The following VAT1L variants were observed in gnomAD, a reference collection of about 807,000 sequenced individuals.
VAT1L encodes vesicle amine transport 1 like.
Under a neutral mutation model 44.1 loss-of-function variants are expected in VAT1L, and 34 were observed. That is an observed-to-expected ratio of 0.77 (90% CI 0.59 to 1.03). VAT1L has a LOEUF of 1.03. Ranked by LOEUF, VAT1L falls within the 50% of genes least tolerant of loss-of-function variation. The pLI, the probability that VAT1L is intolerant of heterozygous loss-of-function variation, is 0.00. For synonymous variants in VAT1L, 253 were observed against 202.2 expected, an observed-to-expected ratio of 1.25 and a Z score of -2.13; for missense variants, 615 against 538.8, an observed-to-expected ratio of 1.14 and a Z score of -1.40.
At chr16:77,873,258 T>C (rs2017051089) in intron 4 of VAT1L, among the ~76,000 whole-genome samples, 1 of 152,224 alleles carries the variant, frequency 6.6e-6, no homozygotes, top group African/African-American at 2.4e-5. Context: ...TTACGTAAGC[T>C]TGGGCAAGAT....
intron 4 of VAT1L, among the ~76,000 whole-genome samples, chr16:77,874,449 C>T (rs540770945): frequency 2.2e-5 from 3 of 137,796 alleles, no homozygotes; most frequent in South Asian, 2.5e-4. Context: ...CCAACTCCCA[C>T]CTGCCTCTCC....
intron 3 of VAT1L, among the ~76,000 whole-genome samples, chr16:77,852,795 G>C (rs2016820256): frequency 6.6e-6 from 1 of 152,146 alleles, no homozygotes; most frequent in Non-Finnish European, 1.5e-5. Flanking sequence ...GTGGAAGCTG[G>C]AGTCATACTA....
chr16:77,939,993 G>A (rs1197117790), intron 7 of VAT1L, among the ~76,000 whole-genome samples: 2 of 152,240 alleles, frequency 1.3e-5, no homozygotes, highest in East Asian at 1.9e-4. Context: ...GAGATCATCA[G>A]ACTTAAGGAA....
chr16:77,913,177 T>G (rs2017516579), intron 7 of VAT1L, among the ~76,000 whole-genome samples: 1 of 152,246 alleles, frequency 6.6e-6, no homozygotes, highest in Non-Finnish European at 1.5e-5. Flanking sequence ...TTAATTTTAA[T>G]TTCATTTGAA....
chr16:77,824,953 G>A (rs1196775574), intron 2 of VAT1L, among the ~76,000 whole-genome samples: 4 of 130,004 alleles, frequency 3.1e-5, no homozygotes, highest in South Asian at 5.5e-4. Flanking sequence ...TGCAACCTCC[G>A]CCTCCTGGGT....
chr16:77,831,982 A>ATT (rs151275500), intron 3 of VAT1L, among the ~76,000 whole-genome samples: 37,077 of 125,854 alleles, frequency 0.29, 5,970 homozygotes, highest in African/African-American at 0.32. Flanking sequence ...TGCCCGGCTA[A>ATT]TTTTTTTTTT....
intron 4 of VAT1L, among the ~76,000 whole-genome samples, chr16:77,868,789 T>A (rs1260299137): frequency 6.6e-6 from 1 of 152,160 alleles, no homozygotes; most frequent in Non-Finnish European, 1.5e-5. Flanking sequence ...TGTGGACATT[T>A]GGGCTGGGAT....
intron 7 of VAT1L, among the ~76,000 whole-genome samples, chr16:77,951,799 T>C (rs1218335400): frequency 2.7e-5 from 4 of 150,646 alleles, no homozygotes; most frequent in Non-Finnish European, 5.9e-5. Context: ...TTTTGTGTAG[T>C]TTTCTGTATC....
intron 3 of VAT1L, among the ~76,000 whole-genome samples, chr16:77,853,774 G>A (rs58714749): frequency 0.02 from 2,974 of 151,990 alleles, 102 homozygotes; most frequent in African/African-American, 0.068. Context: ...TCCATACAAT[G>A]AATAAAAGAG....
chr16:77,911,905 A>C (rs532174906), intron 7 of VAT1L, among the ~76,000 whole-genome samples: 282 of 152,328 alleles, frequency 1.9e-3, no homozygotes, highest in African/African-American at 6.5e-3. Flanking sequence ...AGGAGGATAG[A>C]AATAGTTCAC....
intron 6 of VAT1L, among the ~76,000 whole-genome samples, chr16:77,881,013 G>C (rs2017148079): frequency 6.6e-6 from 1 of 152,108 alleles, no homozygotes; most frequent in African/African-American, 2.4e-5. Flanking sequence ...GGGCACCTAG[G>C]TTGATTCCAT....
At chr16:77,807,844 G>A (rs1289971936) in intron 1 of VAT1L, among the ~76,000 whole-genome samples, 1 of 152,138 alleles carries the variant, frequency 6.6e-6, no homozygotes, top group Non-Finnish European at 1.5e-5. Context: ...CAACCCACTT[G>A]AGGAGGAGCC....
intron 7 of VAT1L, among the ~76,000 whole-genome samples, chr16:77,966,069 T>C (rs1267011407): frequency 6.6e-6 from 1 of 152,242 alleles, no homozygotes; most frequent in African/African-American, 2.4e-5. Context: ...TACTTCATTA[T>C]ATTGAGTATA....
chr16:77,955,729 CA>C (rs61334608), intron 7 of VAT1L, among the ~76,000 whole-genome samples: 236 of 137,930 alleles, frequency 1.7e-3, no homozygotes, highest in African/African-American at 6.0e-3. Context: ...TCCCCCCCCC[CA>C]AAAAAAAAAA....
chr16:77,957,986 C>T (rs2018121896), intron 7 of VAT1L, among the ~76,000 whole-genome samples: 1 of 152,042 alleles, frequency 6.6e-6, no homozygotes, highest in Admixed American at 6.6e-5. Flanking sequence ...CAGCTCACTG[C>T]AATCTCTGCC....
chr16:77,798,988 A>G (rs1241650381), intron 1 of VAT1L, among the ~76,000 whole-genome samples: 1 of 151,574 alleles, frequency 6.6e-6, no homozygotes, highest in Non-Finnish European at 1.5e-5. Context: ...CTCTCTCCTC[A>G]TAAGTTAGCT....
chr16:77,979,198 T>C lies in VAT1L; in HGVS notation c.*1503T>C, dbSNP rs775109285. Reference sequence around the variant, plus strand: ...GTGGTCTTTTTACCTATCCTAAGCTTATGATGATGAGTTATGTATGCCAAA... The same window carrying C: ...GTGGTCTTTTTACCTATCCTAAGCTCATGATGATGAGTTATGTATGCCAAA... On this transcript the variant is annotated 3_prime_UTR_variant, in exon 9 of 9. Coordinates refer to ENST00000302536, the MANE Select transcript of VAT1L (RefSeq NM_020927.3). 6.6e-6 allele frequency: 1 copy of C among 152,618 alleles called. No individual in the cohort carries two copies. The highest frequency in any genetic ancestry group is 1.5e-5 in the Non-Finnish European group (1 of 68,040). The allele number at this position is 152,618 out of a possible 1,614,324, so 9.5% of individuals were successfully genotyped here.
chr16:77,853,339 A>C (rs1410038929), intron 3 of VAT1L, among the ~76,000 whole-genome samples: 1 of 152,198 alleles, frequency 6.6e-6, no homozygotes, highest in Non-Finnish European at 1.5e-5. Context: ...GGAAAAGAGG[A>C]AGTGGATTGC....
intron 4 of VAT1L, among the ~76,000 whole-genome samples, chr16:77,866,238 G>C (rs1416642729): frequency 6.6e-6 from 1 of 152,222 alleles, no homozygotes; most frequent in African/African-American, 2.4e-5. Flanking sequence ...TTGACAGAGT[G>C]AATTATAGCA....
Sources: gnomAD v4.1 joint callset for allele counts (sites outside exome capture counted in the v4.1 genomes callset) on GRCh38, gnomAD v4.1.1 for gene constraint, MANE v1.5 for transcripts, NCBI Gene and HGNC (gene_info 2026-07-23, HGNC 2026-07-21) for gene names.